Variants in DAB1 observed in about 807,000 individuals in gnomAD.
DAB1 encodes DAB adaptor protein 1.
DAB1 carries 15 observed loss-of-function variants against 64.6 expected under a neutral mutation model. That is an observed-to-expected ratio of 0.23 (90% confidence interval 0.16 to 0.36). DAB1 has a LOEUF of 0.36. Among genes scored for constraint, DAB1 ranks in the 10% least tolerant of loss-of-function variants. The pLI is 1.00. For missense variants in DAB1, 596 were observed against 706.7 expected, an observed-to-expected ratio of 0.84 and a Z score of 1.78; for synonymous variants, 235 against 251.9, an observed-to-expected ratio of 0.93 and a Z score of 0.64.
intron 4 of DAB1, among the ~76,000 whole-genome samples, chr1:57,125,202 C>T (rs941287122): frequency 8.5e-5 from 13 of 152,134 alleles, no homozygotes; most frequent in South Asian, 2.1e-4. Context: ...ACCTGGGGTA[C>T]ACAGGCATCA....
At chr1:58,489,444 G>A (rs577676646) in intron 3 of DAB1, among the ~76,000 whole-genome samples, 18 of 152,328 alleles carry the variant, frequency 1.2e-4, no homozygotes, top group African/African-American at 4.3e-4. Context: ...AAGCAGCTGG[G>A]AAGCTCGAAC....
At chr1:58,041,775 A>G (rs921273788) in intron 5 of DAB1, among the ~76,000 whole-genome samples, 1 of 152,202 alleles carries the variant, frequency 6.6e-6, no homozygotes, top group Non-Finnish European at 1.5e-5. Context: ...TAGGCTATGA[A>G]GGATTACGAG....
intron 2 of DAB1, among the ~76,000 whole-genome samples, chr1:57,183,463 A>G (rs1472530745): frequency 6.6e-6 from 1 of 152,200 alleles, no homozygotes; most frequent in Non-Finnish European, 1.5e-5. Flanking sequence ...GAGAAAATGC[A>G]TGTGGTTCCA....
chr1:57,946,361 G>A (rs561378971), intron 5 of DAB1, among the ~76,000 whole-genome samples: 1 of 152,162 alleles, frequency 6.6e-6, no homozygotes, highest in Non-Finnish European at 1.5e-5. Flanking sequence ...GCAAGTCATG[G>A]TGCCCAAACC....
chr1:58,334,781 T>A (rs888168660), intron 4 of DAB1, among the ~76,000 whole-genome samples: 1 of 151,800 alleles, frequency 6.6e-6, no homozygotes, highest in African/African-American at 2.4e-5. Context: ...GGAAACAATA[T>A]GTGTGGGATG....
At chr1:58,494,058 A>G (rs1044035880) in intron 3 of DAB1, among the ~76,000 whole-genome samples, 1 of 152,170 alleles carries the variant, frequency 6.6e-6, no homozygotes, top group African/African-American at 2.4e-5. Flanking sequence ...TGGTACTGGT[A>G]CCAAAACAGA....
intron 7 of DAB1, among the ~76,000 whole-genome samples, chr1:57,568,893 A>G (rs995685443): frequency 2.6e-5 from 4 of 152,228 alleles, no homozygotes; most frequent in South Asian, 2.1e-4. Context: ...ATCTAGAACT[A>G]GAAATACCAT....
intron 1 of DAB1, among the ~76,000 whole-genome samples, chr1:57,856,599 C>T (rs1021960400): frequency 6.6e-6 from 1 of 151,874 alleles, no homozygotes; most frequent in Admixed American, 6.6e-5. Flanking sequence ...CACATCTCTA[C>T]TAAAATTACA....
intron 7 of DAB1, among the ~76,000 whole-genome samples, chr1:57,546,658 C>T (rs180879630): frequency 8.5e-5 from 13 of 152,308 alleles, no homozygotes; most frequent in African/African-American, 1.7e-4. Context: ...AAGACAGTCA[C>T]GCACTGCATA....
At chr1:57,293,395 C>T (rs1463901671) in intron 1 of DAB1, among the ~76,000 whole-genome samples, 1 of 152,190 alleles carries the variant, frequency 6.6e-6, no homozygotes, top group African/African-American at 2.4e-5. Flanking sequence ...AGTTACTCAA[C>T]CTTGTCTTTG....
intron 5 of DAB1, among the ~76,000 whole-genome samples, chr1:57,972,117 A>G (rs1183330055): frequency 6.6e-6 from 1 of 152,252 alleles, no homozygotes. Flanking sequence ...ATTCAAAAGC[A>G]TAAGTTGATT....
chr1:58,064,123 C>A (rs769412904), intron 5 of DAB1, among the ~76,000 whole-genome samples: 57 of 152,170 alleles, frequency 3.7e-4, no homozygotes, highest in Middle Eastern at 3.4e-3. Context: ...CAGTCAGGAG[C>A]CAAGGAACCA....
At chr1:57,551,712 A>G (rs1644915970) in intron 7 of DAB1, among the ~76,000 whole-genome samples, 1 of 152,124 alleles carries the variant, frequency 6.6e-6, no homozygotes, top group Admixed American at 6.5e-5. Context: ...GGTCATCTCA[A>G]CTTAGACTGG....
At chr1:58,379,359 G>T (rs1477070471) in intron 3 of DAB1, among the ~76,000 whole-genome samples, 1 of 152,150 alleles carries the variant, frequency 6.6e-6, no homozygotes, top group African/African-American at 2.4e-5. Context: ...TACTACTAAT[G>T]GCTCTATGAA....
intron 7 of DAB1, among the ~76,000 whole-genome samples, chr1:57,610,415 A>G (rs1645711973): frequency 6.6e-6 from 1 of 152,170 alleles, no homozygotes; most frequent in Admixed American, 6.5e-5. Context: ...ATGTACAGAT[A>G]AGGAAATAAG....
At chr1:57,227,455 G>GT (rs1208333158) in intron 2 of DAB1, among the ~76,000 whole-genome samples, 1 of 151,752 alleles carries the variant, frequency 6.6e-6, no homozygotes, top group Admixed American at 6.6e-5. Context: ...ATAAAGCTGG[G>GT]TAAATAGATA....
At chr1:57,289,356 A>G (rs1197014357) in intron 2 of DAB1, among the ~76,000 whole-genome samples, 1 of 152,244 alleles carries the variant, frequency 6.6e-6, no homozygotes, top group South Asian at 2.1e-4. Flanking sequence ...GTTTCCACTG[A>G]AAAAGCATTT....
chr1:57,115,087 C>T (rs1212211047), intron 4 of DAB1, among the ~76,000 whole-genome samples: 1 of 152,196 alleles, frequency 6.6e-6, no homozygotes, highest in East Asian at 1.9e-4. Context: ...GCAGCTCCAC[C>T]TCCATCTCAC....
At chr1:57,121,889 TATCC>T (rs2100755002) in intron 4 of DAB1, among the ~76,000 whole-genome samples, 1 of 152,042 alleles carries the variant, frequency 6.6e-6, no homozygotes, top group South Asian at 2.1e-4. Context: ...TCTGCACATG[TATCC>T]AAAACTTAAA....
Sources: gnomAD v4.1 joint callset for allele counts (sites outside exome capture counted in the v4.1 genomes callset) on GRCh38, gnomAD v4.1.1 for gene constraint, MANE v1.5 for transcripts, NCBI Gene and HGNC (gene_info 2026-07-23, HGNC 2026-07-21) for gene names.